TAOK3: variants seen among roughly 807,000 people sequenced by gnomAD.
TAOK3 encodes the protein TAO kinase 3, also known as serine/threonine-protein kinase TAO3.
TAOK3 carries 40 observed loss-of-function variants against 120.4 expected under a neutral mutation model. That is an observed-to-expected ratio of 0.33 (90% confidence interval 0.26 to 0.43). TAOK3 has a LOEUF of 0.43. Ranked by LOEUF, TAOK3 falls within the 20% of genes least tolerant of loss-of-function variation. The probability of loss-of-function intolerance (pLI) is 1.00; values close to 1 mark genes in which losing one functional copy is unlikely to be tolerated. For missense variants in TAOK3, 821 were observed against 1,112.1 expected (o/e 0.74, Z 3.72); for synonymous variants, 355 against 387.5 (o/e 0.92, Z 0.99).
intron 13 of TAOK3, among the ~76,000 whole-genome samples, chr12:118,195,911 G>A (rs1255720166): frequency 2.0e-5 from 3 of 152,016 alleles, no homozygotes; most frequent in Non-Finnish European, 2.9e-5. Flanking sequence ...TTAGCCAGGT[G>A]TGGTGGCAGG....
chr12:118,283,724 A>C, intron 1 of TAOK3: 1 of 201,072 alleles, frequency 5.0e-6, no homozygotes, highest in South Asian at 7.7e-5. Flanking sequence ...GCAAGACTTC[A>C]TCAACAAAAC....
At chr12:118,267,919 A>G (rs2041528215) in intron 1 of TAOK3, among the ~76,000 whole-genome samples, 1 of 151,448 alleles carries the variant, frequency 6.6e-6, no homozygotes. Flanking sequence ...AAAAAAATCC[A>G]TAATCCTATC....
intron 1 of TAOK3, among the ~76,000 whole-genome samples, chr12:118,327,964 A>T (rs1271169163): frequency 1.3e-5 from 2 of 152,136 alleles, no homozygotes; most frequent in Admixed American, 1.3e-4. Context: ...CCACTTACTG[A>T]ATCAGTCATA....
At chr12:118,179,038 A>G (rs1375866858) in intron 15 of TAOK3, among the ~76,000 whole-genome samples, 3 of 152,220 alleles carry the variant, frequency 2.0e-5, no homozygotes, top group Non-Finnish European at 2.9e-5. Flanking sequence ...TTCTCACAAC[A>G]TATTTACCAA....
intron 1 of TAOK3, among the ~76,000 whole-genome samples, chr12:118,321,349 CT>C (rs2140945409): frequency 6.6e-6 from 1 of 152,262 alleles, no homozygotes; most frequent in Admixed American, 6.5e-5. Context: ...CAACCTCGAC[CT>C]GCCAGGCTCA....
At chr12:118,358,587 GT>G (rs1319318260) in intron 1 of TAOK3, among the ~76,000 whole-genome samples, 1 of 152,076 alleles carries the variant, frequency 6.6e-6, no homozygotes, top group African/African-American at 2.4e-5. Flanking sequence ...TATATTTCAA[GT>G]TTTTTATTTA....
In TAOK3 at chr12:118,172,462, G is replaced by A. The variant is rs1395022259; in HGVS notation, c.1894C>T (p.Arg632Trp). ...KRHEVEQQNI[R>W]EELNKKRTQK... ...GTTACGAGCGTAATAAATACCTCCC[G>A]AATGTTCTGCTGCTCCACCTCGTGC... The change falls in exon 17 of 21, where the codon CGG becomes TGG. Residue 632 changes from arginine (R) to tryptophan (W), a missense_variant. Coordinates refer to ENST00000392533, the MANE Select transcript of TAOK3 (RefSeq NM_016281.4). 2 of 1,614,064 alleles carry A rather than the reference G, an allele frequency of 1.2e-6. No individual in the cohort carries two copies. The highest frequency in any genetic ancestry group is 1.7e-6 in the Non-Finnish European group (2 of 1,179,960).
intron 9 of TAOK3, among the ~76,000 whole-genome samples, chr12:118,229,113 T>TG (rs1289172106): frequency 2.7e-5 from 4 of 150,380 alleles, no homozygotes; most frequent in East Asian, 1.9e-4. Context: ...CTTTTTTTTT[T>TG]GGGGGGGACA....
chr12:118,233,717 C>A lies in TAOK3; in HGVS notation c.600G>T (p.Gly200=), dbSNP rs748809217. 9.9e-6 allele frequency: 16 copies of A among 1,610,248 alleles called. No individual in the cohort carries two copies. The South Asian group carries it at 1.5e-4, about 16-fold the overall frequency. ...ILAMDEGQYD[G]KVDIWSLGIT... ...TGCCAAGTGACCAAATATCAACTTTCCCATCATACTGTCCTTCATCCATAG... is the reference window on the plus strand; with the variant it reads ...TGCCAAGTGACCAAATATCAACTTTACCATCATACTGTCCTTCATCCATAG... The change falls in exon 9 of 21, where the codon GGG becomes GGT. Residue 200 remains glycine, a synonymous_variant. Transcript: ENST00000392533.
At chr12:118,211,703 A>G (rs2038643445) in intron 11 of TAOK3, among the ~76,000 whole-genome samples, 1 of 151,232 alleles carries the variant, frequency 6.6e-6, no homozygotes, top group East Asian at 1.9e-4. Flanking sequence ...ATAACCTCAA[A>G]ATCCTGGGCT....
Position 118,160,096 on chromosome 12 carries a change from T to G in TAOK3, c.2352+50A>C, listed in dbSNP as rs1398819102. ...GAACAACAGGCTGGATCTTGGATTT[T>G]CTTGATTCCCAAAGCTCTCGAAGCC... On this transcript the variant is annotated intron_variant, in intron 19 of 20. Coordinates refer to ENST00000392533, the MANE Select transcript of TAOK3 (RefSeq NM_016281.4). This position sits in a 1 kb window ranked among gnomAD's most constrained non-coding sequence, Gnocchi z 4.2. 7 of 1,433,166 alleles carry G rather than the reference T, an allele frequency of 4.9e-6. No homozygotes were observed. The highest frequency in any genetic ancestry group is 1.4e-5 in the African/African-American group (1 of 71,068). 88.8% of individuals were successfully genotyped at this position (1,433,166 alleles called of 1,614,324 possible).
intron 1 of TAOK3, among the ~76,000 whole-genome samples, chr12:118,272,665 C>A (rs2140330908): frequency 6.6e-6 from 1 of 152,108 alleles, no homozygotes; most frequent in East Asian, 1.9e-4. Flanking sequence ...CAGCATTATC[C>A]CCAAATTAAA....
intron 19 of TAOK3, among the ~76,000 whole-genome samples, chr12:118,159,312 CTTTTTTT>C (rs35332392): frequency 7.6e-6 from 1 of 132,116 alleles, no homozygotes; most frequent in African/African-American, 2.8e-5. Flanking sequence ...AAATCACTCA[CTTTTTTT>C]TTTTTTTTTG....
At chr12:118,202,576 T>C in intron 11 of TAOK3, among the ~76,000 whole-genome samples, 1 of 152,152 alleles carries the variant, frequency 6.6e-6, no homozygotes, top group South Asian at 2.1e-4. Context: ...TGTGAGGTGA[T>C]ACCTCATTGT....
intron 4 of TAOK3, 96 bp downstream of exon 4, chr12:118,244,798 G>T: frequency 1.2e-6 from 1 of 840,702 alleles, no homozygotes; most frequent in African/African-American, 1.7e-5. Flanking sequence ...AAAGTGCTGG[G>T]ATTACAGGCG....
At chr12:118,234,448 G>C (rs1806681481) in intron 8 of TAOK3, among the ~76,000 whole-genome samples, 1 of 151,972 alleles carries the variant, frequency 6.6e-6, no homozygotes, top group Non-Finnish European at 1.5e-5. Context: ...GTTTCACCAT[G>C]TTAGCCAGGA....
chr12:118,169,823 C>G (rs988953640), intron 17 of TAOK3, among the ~76,000 whole-genome samples: 4 of 151,992 alleles, frequency 2.6e-5, no homozygotes, highest in African/African-American at 4.8e-5. Context: ...CGGGTTCACG[C>G]CATTCTCCTG....
At chr12:118,229,856 G>C (rs895387297) in intron 9 of TAOK3, among the ~76,000 whole-genome samples, 2 of 152,184 alleles carry the variant, frequency 1.3e-5, no homozygotes, top group Non-Finnish European at 2.9e-5. Context: ...ACTTGAACCT[G>C]GGAGGTGGAG....
At chr12:118,251,944 C>T (rs1430185000) in intron 3 of TAOK3, among the ~76,000 whole-genome samples, 2 of 152,054 alleles carry the variant, frequency 1.3e-5, no homozygotes, top group East Asian at 3.9e-4. Context: ...GCCTCAGCCT[C>T]CCCAGTAGCT....
Sources: gnomAD v4.1 joint callset for allele counts (sites outside exome capture counted in the v4.1 genomes callset) on GRCh38, gnomAD v4.1.1 for gene constraint, Gnocchi (gnomAD v3.1) non-coding constraint, MANE v1.5 for transcripts, NCBI Gene and HGNC (gene_info 2026-07-23, HGNC 2026-07-21) for gene names.